BCL2: variants seen among roughly 807,000 people sequenced by gnomAD.
BCL2 encodes BCL2 apoptosis regulator.
A neutral mutation model predicts 14.2 loss-of-function variants in BCL2; 1 was observed. The ratio of observed to expected loss-of-function variants is 0.07; its 90% CI spans 0.02 to 0.33. The LOEUF (loss-of-function observed/expected upper bound fraction) is 0.33, where lower values mean the gene tolerates loss of function less well. Among genes scored for constraint, BCL2 ranks in the 10% least tolerant of loss-of-function variants. The pLI is 0.99. For synonymous variants in BCL2, 151 were observed against 137.2 expected, an observed-to-expected ratio of 1.10 and a Z score of -0.70; for missense variants, 247 against 305.9, an observed-to-expected ratio of 0.81 and a Z score of 1.44.
intron 2 of BCL2, among the ~76,000 whole-genome samples, chr18:63,215,688 G>T (rs190425836): frequency 6.6e-6 from 1 of 152,152 alleles, no homozygotes; most frequent in Non-Finnish European, 1.5e-5. Context: ...ATGAAAGCAA[G>T]TGTCCATGAT....
chr18:63,271,561 G>A (rs1035733640), intron 2 of BCL2, among the ~76,000 whole-genome samples: 2 of 152,188 alleles, frequency 1.3e-5, no homozygotes, highest in Non-Finnish European at 2.9e-5. Flanking sequence ...TTAGTTTTTA[G>A]GTACATCCAG....
chr18:63,153,351 C>A (rs1211214832), intron 2 of BCL2, among the ~76,000 whole-genome samples: 1 of 152,188 alleles, frequency 6.6e-6, no homozygotes, highest in East Asian at 1.9e-4. Context: ...TCAGTCATGA[C>A]TCCCTCTCAT....
At chr18:63,231,403 A>G (rs1451243077) in intron 2 of BCL2, among the ~76,000 whole-genome samples, 1 of 152,000 alleles carries the variant, frequency 6.6e-6, no homozygotes, top group Non-Finnish European at 1.5e-5. Context: ...ATTAGAAATG[A>G]AGGGGGAATA....
At chr18:63,131,993 C>A (rs1914080558) in intron 2 of BCL2, among the ~76,000 whole-genome samples, 1 of 152,228 alleles carries the variant, frequency 6.6e-6, no homozygotes, top group Admixed American at 6.5e-5. Flanking sequence ...CAGTGCTTCT[C>A]ATGAACCTAA....
At chr18:63,162,188 T>C (rs1914937163) in intron 2 of BCL2, among the ~76,000 whole-genome samples, 1 of 152,332 alleles carries the variant, frequency 6.6e-6, no homozygotes, top group Admixed American at 6.5e-5. Context: ...CTAATATATT[T>C]ATTTTAGTAT....
intron 2 of BCL2, among the ~76,000 whole-genome samples, chr18:63,133,971 T>C (rs948616069): frequency 1.3e-5 from 2 of 152,192 alleles, no homozygotes; most frequent in Non-Finnish European, 2.9e-5. Flanking sequence ...CCTATAGTTA[T>C]TGGCAAGAAA....
intron 2 of BCL2, among the ~76,000 whole-genome samples, chr18:63,288,772 C>T (rs1912547543): frequency 1.3e-5 from 2 of 152,104 alleles, no homozygotes; most frequent in Admixed American, 1.3e-4. Context: ...AGTTTAATCA[C>T]AGAAGAACAA....
intron 2 of BCL2, among the ~76,000 whole-genome samples, chr18:63,237,051 G>T (rs1183172355): frequency 6.6e-6 from 1 of 152,114 alleles, no homozygotes; most frequent in African/African-American, 2.4e-5. Flanking sequence ...ATGTTCTCTT[G>T]CCTCTGGGAA....
chr18:63,305,485 G>A (rs10460157), intron 2 of BCL2, among the ~76,000 whole-genome samples: 47,325 of 152,040 alleles, frequency 0.31, 9,264 homozygotes, highest in Non-Finnish European at 0.43. Context: ...GAGGAAAGTA[G>A]GGAGAAGTTG....
intron 2 of BCL2, among the ~76,000 whole-genome samples, chr18:63,162,752 A>G (rs1441045066): frequency 6.6e-6 from 1 of 152,148 alleles, no homozygotes; most frequent in African/African-American, 2.4e-5. Context: ...GGAAGACACC[A>G]GAGCCTTCAT....
At chr18:63,157,521 G>A (rs1191159866) in intron 2 of BCL2, among the ~76,000 whole-genome samples, 1 of 152,242 alleles carries the variant, frequency 6.6e-6, no homozygotes, top group Non-Finnish European at 1.5e-5. Flanking sequence ...ATTGTTTTCA[G>A]TGAAAATTAG....
At chr18:63,281,500 TA>T (rs1334350818) in intron 2 of BCL2, among the ~76,000 whole-genome samples, 1 of 151,798 alleles carries the variant, frequency 6.6e-6, no homozygotes, top group Non-Finnish European at 1.5e-5. Context: ...CCCCTGTCTC[TA>T]CAAAAAAATA....
At chr18:63,230,305 G>T (rs1910657339) in intron 2 of BCL2, among the ~76,000 whole-genome samples, 1 of 152,076 alleles carries the variant, frequency 6.6e-6, no homozygotes, top group Admixed American at 6.6e-5. Context: ...ACATATTTAG[G>T]ACTGAACAAC....
intron 2 of BCL2, among the ~76,000 whole-genome samples, chr18:63,266,637 T>TCTCTCTCTCTCTCTCTCTCTCACACACA (rs1491465885): frequency 1.0e-4 from 9 of 86,004 alleles, no homozygotes; most frequent in African/African-American, 2.9e-4. Context: ...TCTCTCTCTC[T>TCTCTCTCTCTCTCTCTCTCTCACACACA]CACACACACA....
In BCL2 at chr18:63,123,576, G is replaced by T. The variant is rs4987868; in HGVS notation, c.*5049C>A. 3.2e-3 allele frequency: 665 copies of T among 209,540 alleles called. 1 individual carries two copies. The highest frequency in any genetic ancestry group is 0.014 in the African/African-American group (634 of 44,006). The allele number at this position is 209,540 out of a possible 1,614,324, so 13.0% of individuals were successfully genotyped here. A position where few individuals can be genotyped will look rare whatever the true frequency, so the allele number is the denominator to read the frequency against. The stretch of plus-strand genomic sequence containing the variant: ...CTCTTAAAAGTATCAATCTTAAAAA[G>T]AGCCATGGAAGGTAAAAGTATGAAA... On this transcript the variant is annotated 3_prime_UTR_variant, in exon 3 of 3. Transcript: ENST00000333681.
intron 2 of BCL2, among the ~76,000 whole-genome samples, chr18:63,148,317 A>T (rs1339227172): frequency 6.6e-6 from 1 of 152,112 alleles, no homozygotes; most frequent in Non-Finnish European, 1.5e-5. Context: ...CCAGGAAAAA[A>T]GTGTCAGTGA....
intron 2 of BCL2, chr18:63,302,862 T>C (rs945405913): frequency 3.0e-6 from 3 of 985,302 alleles, no homozygotes; most frequent in Non-Finnish European, 3.6e-6. Context: ...TCAAATGTTA[T>C]TATGGAAACA....
Position 63,307,514 on chromosome 18 carries a change from G to A in BCL2, c.585+10568C>T, listed in dbSNP as rs1221363932. On this transcript the variant is annotated intron_variant, in intron 2 of 2. Transcript: ENST00000333681. ...TGTATTCTCAAAGTATCATTTATGG[G>A]AAAGAAAACTACATTCAAAGGAAAC... 9.2e-5 allele frequency among the ~76,000 whole-genome samples: 14 copies of A among 152,154 alleles called. 1 individual carries two copies. The highest frequency in any genetic ancestry group is 4.4e-5 in the Non-Finnish European group (3 of 68,024).
At chr18:63,242,044 AAGGTGT>A (rs1377235838) in intron 2 of BCL2, among the ~76,000 whole-genome samples, 1 of 152,192 alleles carries the variant, frequency 6.6e-6, no homozygotes, top group Non-Finnish European at 1.5e-5. Context: ...GGGTGACTCC[AAGGTGT>A]AGATCTTCAA....
Sources: allele counts gnomAD v4.1 joint callset (sites outside exome capture counted in the v4.1 genomes callset), GRCh38; gene constraint gnomAD v4.1.1; transcripts MANE v1.5; gene names NCBI Gene and HGNC (gene_info 2026-07-23, HGNC 2026-07-21).